Variants in MAN1A2 observed in about 807,000 individuals in gnomAD.
The protein encoded by MAN1A2 is mannosyl-oligosaccharide 1,2-alpha-mannosidase IB.
In MAN1A2, 26 loss-of-function variants were observed where a neutral mutation model predicts 75.7. That is an observed-to-expected ratio of 0.34 (90% CI 0.25 to 0.48). The LOEUF is 0.48. MAN1A2 is among the 20% of genes least tolerant of loss of function. MAN1A2 has a pLI of 0.99. For synonymous variants in MAN1A2, 247 were observed against 264.6 expected (o/e 0.93, Z 0.65); for missense variants, 562 against 775.5 (o/e 0.72, Z 3.27).
Position 117,367,824 on chromosome 1 carries a change from T to G in MAN1A2, c.-360T>G. On this transcript the variant is annotated 5_prime_UTR_variant, in exon 1 of 13. Transcript: ENST00000356554. ...CTCCCTTTCGGGGCGGAAGACTACG[T>G]TTGAGCATCTCACTGAGGTGCAGGA... is the stretch of plus-strand genomic sequence containing the variant. 1 of 198,456 alleles carries G rather than the reference T, an allele frequency of 5.0e-6. No individual in the cohort carries two copies. The highest frequency in any genetic ancestry group is 1.0e-5 in the Non-Finnish European group (1 of 98,366). The allele number at this position is 198,456 out of a possible 1,614,324, so 12.3% of individuals were successfully genotyped here.
chr1:117,370,297 T>G (rs1652917361), intron 1 of MAN1A2, among the ~76,000 whole-genome samples: 1 of 152,154 alleles, frequency 6.6e-6, no homozygotes. Flanking sequence ...TTTTGGCTAG[T>G]AAGAGTCTGG....
At chr1:117,486,834 A>G (rs1441195308) in intron 8 of MAN1A2, among the ~76,000 whole-genome samples, 1 of 152,020 alleles carries the variant, frequency 6.6e-6, no homozygotes, top group African/African-American at 2.4e-5. Context: ...CCAGAGCTGA[A>G]AGATACTGAT....
intron 9 of MAN1A2, among the ~76,000 whole-genome samples, chr1:117,495,645 T>TGTAATATG (rs973810954): frequency 3.3e-5 from 5 of 151,828 alleles, no homozygotes; most frequent in Non-Finnish European, 5.9e-5. Context: ...ATCTTTTAAT[T>TGTAATATG]GTAATATGGT....
intron 3 of MAN1A2, among the ~76,000 whole-genome samples, chr1:117,409,197 T>A (rs1227550937): frequency 6.6e-6 from 1 of 152,106 alleles, no homozygotes; most frequent in Non-Finnish European, 1.5e-5. Flanking sequence ...GTTTTTCCAG[T>A]GTCTTGAAGT....
At chr1:117,466,185 C>T (rs12134265) in intron 7 of MAN1A2, 149 bp from the exon 8 acceptor site, 60,841 of 516,752 alleles carry the variant, frequency 0.12, 4,158 homozygotes, top group Non-Finnish European at 0.13. Context: ...TAGAAGGCTT[C>T]CCTGACTTCC....
chr1:117,438,703 G>T (rs1479970494), intron 5 of MAN1A2, among the ~76,000 whole-genome samples: 3 of 152,078 alleles, frequency 2.0e-5, no homozygotes, highest in Non-Finnish European at 1.5e-5. Flanking sequence ...ACTTACCATT[G>T]TGTTAAAATT....
Position 117,368,395 on chromosome 1 carries a change from A to G in MAN1A2, c.212A>G (p.Glu71Gly). Residue 71 changes from glutamate (E) to glycine (G), a missense_variant, in exon 1 of 13, where the codon GAA becomes GGA. This residue lies in a region of MAN1A2 where 128 missense variants were observed against 129.8 expected (regional missense o/e 0.99). Coordinates refer to ENST00000356554, the MANE Select transcript of MAN1A2 (RefSeq NM_006699.5). ...SKHKRFDLGL[E>G]DVLIPHVDAG... ...CACAAACGCTTTGATTTGGGTTTAG[A>G]AGATGTGTTAATTCCACATGTAGAT... 6.2e-7 allele frequency: 1 copy of G among 1,614,122 alleles called. No individual in the cohort carries two copies. Among genetic ancestry groups the G allele is most frequent in the South Asian group, 1.1e-5 (1 of 91,078 alleles).
At chr1:117,415,983 C>G (rs1306641717) in intron 4 of MAN1A2, among the ~76,000 whole-genome samples, 1 of 152,036 alleles carries the variant, frequency 6.6e-6, no homozygotes, top group East Asian at 1.9e-4. Flanking sequence ...GCTATGTAGC[C>G]TTTATACAAC....
intron 6 of MAN1A2, among the ~76,000 whole-genome samples, chr1:117,444,372 T>C (rs1239990833): frequency 2.0e-5 from 3 of 151,894 alleles, no homozygotes; most frequent in Non-Finnish European, 2.9e-5. Flanking sequence ...AAGAATACAA[T>C]TGCTGGATTA....
intron 1 of MAN1A2, among the ~76,000 whole-genome samples, chr1:117,396,175 T>C (rs1448036227): frequency 1.3e-5 from 2 of 152,220 alleles, no homozygotes; most frequent in East Asian, 3.9e-4. Flanking sequence ...CCCAGAGCCT[T>C]GTCCTAAGCC....
At chr1:117,468,867 T>A (rs1197300133) in intron 8 of MAN1A2, among the ~76,000 whole-genome samples, 1 of 152,204 alleles carries the variant, frequency 6.6e-6, no homozygotes, top group East Asian at 1.9e-4. Flanking sequence ...TTTCTTTGAA[T>A]TTGTGTTTTT....
At chr1:117,428,803 TTTTTA>T (rs1366095914) in intron 5 of MAN1A2, among the ~76,000 whole-genome samples, 13 of 136,594 alleles carry the variant, frequency 9.5e-5, no homozygotes, top group Admixed American at 1.4e-4. Context: ...TTTTTTTTTT[TTTTTA>T]AATTTATTTT....
intron 11 of MAN1A2, among the ~76,000 whole-genome samples, chr1:117,501,457 G>A (rs376394451): frequency 1.5e-4 from 23 of 151,778 alleles, no homozygotes; most frequent in East Asian, 5.8e-4. Context: ...GCAGTATAGC[G>A]TGTCTTCTGT....
At chr1:117,435,527 T>C (rs561939245) in intron 5 of MAN1A2, among the ~76,000 whole-genome samples, 3 of 152,258 alleles carry the variant, frequency 2.0e-5, no homozygotes, top group Non-Finnish European at 2.9e-5. Flanking sequence ...GATATGGATA[T>C]AGTAAATTAG....
intron 6 of MAN1A2, among the ~76,000 whole-genome samples, chr1:117,446,478 T>A (rs1467246071): frequency 6.6e-6 from 1 of 152,104 alleles, no homozygotes; most frequent in Non-Finnish European, 1.5e-5. Context: ...CCAGAAATTT[T>A]GATTTTTTTT....
At chr1:117,507,917 T>A (rs1373212717) in intron 12 of MAN1A2, among the ~76,000 whole-genome samples, 1 of 151,688 alleles carries the variant, frequency 6.6e-6, no homozygotes, top group East Asian at 1.9e-4. Flanking sequence ...TGGTCAAAAG[T>A]CTCTTAAGCT....
chr1:117,480,400 T>C (rs949853547), intron 8 of MAN1A2, among the ~76,000 whole-genome samples: 34 of 152,010 alleles, frequency 2.2e-4, no homozygotes, highest in African/African-American at 7.5e-4. Flanking sequence ...TTTTCCATCA[T>C]TTAGCGATTA....
chr1:117,369,248 T>C (rs1296781733), intron 1 of MAN1A2, among the ~76,000 whole-genome samples: 1 of 152,236 alleles, frequency 6.6e-6, no homozygotes, highest in African/African-American at 2.4e-5. Flanking sequence ...TTCTTTCAGA[T>C]CACTAAATCT....
At chr1:117,501,389 A>G (rs780077310) in intron 11 of MAN1A2, among the ~76,000 whole-genome samples, 12 of 151,900 alleles carry the variant, frequency 7.9e-5, no homozygotes, top group Non-Finnish European at 1.6e-4. Flanking sequence ...ATGCATCACC[A>G]TTGGCCTCTC....
Sources: allele counts gnomAD v4.1 joint callset (sites outside exome capture counted in the v4.1 genomes callset), GRCh38; gene constraint gnomAD v4.1.1; regional missense constraint gnomAD v4.1.1; transcripts MANE v1.5; gene names NCBI Gene and HGNC (gene_info 2026-07-23, HGNC 2026-07-21).